The following PAPOLG variants were observed in gnomAD, a reference collection of about 807,000 sequenced individuals.
The protein encoded by PAPOLG is PAP-gamma.
A neutral mutation model predicts 99.0 loss-of-function variants in PAPOLG; 40 were observed. The ratio of observed to expected loss-of-function variants is 0.40; its 90% CI spans 0.31 to 0.53. PAPOLG has a LOEUF of 0.53. Ranked by LOEUF, PAPOLG falls within the 20% of genes least tolerant of loss-of-function variation. The probability of loss-of-function intolerance (pLI) is 0.41; values close to 1 mark genes in which losing one functional copy is unlikely to be tolerated. For missense variants in PAPOLG, 675 were observed against 884.1 expected (o/e 0.76, Z 3.00); for synonymous variants, 310 against 299.3 (o/e 1.04, Z -0.37).
At position 60,756,408 on chromosome 2, in the gene PAPOLG, G is replaced by T. The variant is rs1365182694; in HGVS notation, c.-71G>T. The T allele has an allele frequency of 6.2e-7, 1 of 1,604,146 alleles. No homozygotes were observed. The highest frequency in any genetic ancestry group is 8.5e-7 in the Non-Finnish European group (1 of 1,171,266). The stretch of plus-strand genomic sequence containing the variant: ...TAGCGACCGGAGGAAAGTGAACAGG[G>T]GGAGAAGGGAACAGCAAGAACAGGA... On this transcript the variant is annotated 5_prime_UTR_variant, in exon 1 of 22. Transcript: ENST00000238714.
intron 15 of PAPOLG, 86 bp downstream of exon 15, chr2:60,787,706 A>G: frequency 6.7e-7 from 1 of 1,496,380 alleles, no homozygotes. Flanking sequence ...GGCTGTACTT[A>G]TTAAAGTTCC....
intron 8 of PAPOLG, among the ~76,000 whole-genome samples, chr2:60,778,815 T>C (rs1249640184): frequency 6.6e-6 from 1 of 152,232 alleles, no homozygotes; most frequent in Non-Finnish European, 1.5e-5. Flanking sequence ...AAAGATTAAA[T>C]GCCATGTTTT....
In PAPOLG at chr2:60,776,277, T is replaced by C. The variant is rs1186046821; in HGVS notation, c.694+1154T>C. On this transcript the variant is annotated intron_variant, in intron 8 of 21. Transcript: ENST00000238714. ...AGCAGTAGATCTCACCAATGGGCTT[T>C]AAAATACTCAGTAAACCATGCTGTC... is the stretch of plus-strand genomic sequence containing the variant. Among the ~76,000 whole-genome samples, 23 of 152,266 alleles carry C rather than the reference T, an allele frequency of 1.5e-4. No homozygotes were observed. The South Asian group carries it at 3.5e-3, about 23-fold the overall frequency.
chr2:60,756,862 C>G (rs1022339527), intron 1 of PAPOLG, among the ~76,000 whole-genome samples: 1 of 152,098 alleles, frequency 6.6e-6, no homozygotes, highest in African/African-American at 2.4e-5. Context: ...AATACCATCC[C>G]CCTGCCTCCC....
intron 21 of PAPOLG, 53 bp from the exon 22 acceptor site, chr2:60,797,009 T>C: frequency 6.2e-7 from 1 of 1,603,304 alleles, no homozygotes; most frequent in Non-Finnish European, 8.5e-7. Flanking sequence ...GCTGGGCCTT[T>C]ATAATATATA....
chr2:60,794,042 G>A lies in PAPOLG; in HGVS notation c.1840G>A (p.Val614Ile), dbSNP rs1462464439. 2.5e-6 allele frequency: 4 copies of A among 1,614,042 alleles called. No homozygotes were observed. The South Asian group carries it at 4.4e-5, about 18-fold the overall frequency. The stretch of plus-strand genomic sequence containing the variant: ...CATTCCTACCGTAGTAGGACGAAAT[G>A]TCATTCCTAGAATCACAACACCTCA... ...CTIPTVVGRN[V>I]IPRITTPHNP... The change falls in exon 19 of 22, where the codon GTC (valine) becomes ATC (isoleucine). Residue 614 changes from valine to isoleucine, a missense_variant. Physicochemically the swap from Val to Ile is conservative, Grantham distance 29. This residue lies in a region of PAPOLG where 413 missense variants were observed against 460.5 expected (regional missense o/e 0.90). Coordinates refer to ENST00000238714, the MANE Select transcript of PAPOLG (RefSeq NM_022894.4).
rs199757720 is a variant in PAPOLG at position 60,775,134 on chromosome 2, C to G, written c.694+11C>G. On this transcript the variant is annotated intron_variant, in intron 8 of 21. Coordinates refer to ENST00000238714, the MANE Select transcript of PAPOLG (RefSeq NM_022894.4). The stretch of plus-strand genomic sequence containing the variant: ...AATTATGGGCAAAACGTAAGTATCC[C>G]TAGTCTTTTATGTTTGCATTATAAA... The G allele has an allele frequency of 2.0e-4, 318 of 1,600,668 alleles. 1 individual carries two copies. Among genetic ancestry groups the G allele is most frequent in the Non-Finnish European group, 2.5e-4 (293 of 1,176,678 alleles).
chr2:60,760,738 G>C (rs1670499319), intron 2 of PAPOLG, among the ~76,000 whole-genome samples: 1 of 152,222 alleles, frequency 6.6e-6, no homozygotes, highest in Admixed American at 6.5e-5. Flanking sequence ...CTTAATGAAA[G>C]CAAGGTGGGA....
At position 60,796,435 on chromosome 2, in the gene PAPOLG, G is replaced by A. The variant is rs535822025; in HGVS notation, c.2113-627G>A. ...ATTACAGGCGTGAACCACCATGCCC[G>A]GCCCTAGATTTTGCCTTCTTTATGT... On this transcript the variant is annotated intron_variant, in intron 21 of 21. Coordinates refer to ENST00000238714, the MANE Select transcript of PAPOLG (RefSeq NM_022894.4). Among the ~76,000 whole-genome samples, 8 of 151,816 alleles carry A rather than the reference G, an allele frequency of 5.3e-5. No individual in the cohort carries two copies. In the East Asian group the frequency reaches 5.8e-4, roughly 11 times the overall value.
At chr2:60,783,009 AATC>A (rs2103803973) in intron 12 of PAPOLG, 144 bp from the exon 13 acceptor site, 2 of 904,428 alleles carry the variant, frequency 2.2e-6, no homozygotes, top group Non-Finnish European at 3.1e-6. Flanking sequence ...ATTTTGTGAA[AATC>A]AGAGCACATT....
chr2:60,798,456 C>T lies in PAPOLG; in HGVS notation c.*1296C>T, dbSNP rs1022060422. 6.6e-6 allele frequency: 1 copy of T among 152,638 alleles called. No homozygotes were observed. Among genetic ancestry groups the T allele is most frequent in the Non-Finnish European group, 1.5e-5 (1 of 67,998 alleles). 9.5% of individuals were successfully genotyped at this position (152,638 alleles called of 1,614,324 possible). A position where few individuals can be genotyped will look rare whatever the true frequency, so the allele number is the denominator to read the frequency against. On this transcript the variant is annotated 3_prime_UTR_variant, in exon 22 of 22. Coordinates refer to ENST00000238714, the MANE Select transcript of PAPOLG (RefSeq NM_022894.4). Reference sequence around the variant, plus strand: ...AAGATACCATCTTTTCAAAGAGAAACGTTTAAAACCTTTATTGTCTCTCCT... The same window carrying T: ...AAGATACCATCTTTTCAAAGAGAAATGTTTAAAACCTTTATTGTCTCTCCT...
At chr2:60,777,941 T>C (rs773034608) in intron 8 of PAPOLG, among the ~76,000 whole-genome samples, 1 of 152,102 alleles carries the variant, frequency 6.6e-6, no homozygotes, top group Non-Finnish European at 1.5e-5. Flanking sequence ...ATAACAGATA[T>C]AATAATAATG....
chr2:60,762,465 T>C (rs933261528), intron 3 of PAPOLG, among the ~76,000 whole-genome samples: 4 of 152,154 alleles, frequency 2.6e-5, no homozygotes, highest in African/African-American at 4.8e-5. Flanking sequence ...CTGTGGATGC[T>C]CAGGTTCCTT....
chr2:60,800,960 T>C lies in PAPOLG; in HGVS notation c.*3800T>C, dbSNP rs1436574731. ...GAATTTCTAAGTTTATAACCTAAAATGAAACTGTAAAGTCCTCGGTATTTA... is the reference window on the plus strand; with the variant it reads ...GAATTTCTAAGTTTATAACCTAAAACGAAACTGTAAAGTCCTCGGTATTTA... On this transcript the variant is annotated 3_prime_UTR_variant, in exon 22 of 22. Coordinates refer to ENST00000238714, the MANE Select transcript of PAPOLG (RefSeq NM_022894.4). 1 of 152,302 alleles carries C rather than the reference T, an allele frequency of 6.6e-6. No homozygotes were observed. The highest frequency in any genetic ancestry group is 1.9e-4 in the East Asian group (1 of 5,342). 9.4% of individuals were successfully genotyped at this position (152,302 alleles called of 1,614,324 possible).
intron 7 of PAPOLG, among the ~76,000 whole-genome samples, chr2:60,774,030 G>A (rs1670935313): frequency 6.6e-6 from 1 of 152,114 alleles, no homozygotes; most frequent in Non-Finnish European, 1.5e-5. Flanking sequence ...ATTTTTAACT[G>A]CAAGTGTGTG....
At chr2:60,761,621 C>G in intron 2 of PAPOLG, 120 bp from the exon 3 acceptor site, 1 of 782,238 alleles carries the variant, frequency 1.3e-6, no homozygotes, top group Non-Finnish European at 2.1e-6. Context: ...ATAGCATTAT[C>G]ACATATATGT....
intron 17 of PAPOLG, among the ~76,000 whole-genome samples, chr2:60,793,074 G>A (rs964097863): frequency 6.6e-6 from 1 of 151,762 alleles, no homozygotes; most frequent in Admixed American, 6.6e-5. Context: ...GCATGGTAGT[G>A]CACACCTGTA....
intron 2 of PAPOLG, 75 bp downstream of exon 2, chr2:60,760,370 T>A: frequency 7.3e-7 from 1 of 1,363,574 alleles, no homozygotes; most frequent in Non-Finnish European, 1.0e-6. Flanking sequence ...ATTGAATACC[T>A]ACTGTGTCTC....
In PAPOLG at chr2:60,770,525, A is replaced by G. The variant is rs1427265161; in HGVS notation, c.492+14A>G. The G allele has an allele frequency of 2.6e-6, 4 of 1,516,846 alleles. No homozygotes were observed. The highest frequency in any genetic ancestry group is 3.6e-6 in the Non-Finnish European group (4 of 1,105,540). 94.0% of individuals were successfully genotyped at this position (1,516,846 alleles called of 1,614,324 possible). A position where few individuals can be genotyped will look rare whatever the true frequency, so the allele number is the denominator to read the frequency against. The stretch of plus-strand genomic sequence containing the variant: ...GATGGTATTGAAGTAAGTGTTTAAT[A>G]TTTTTCTGACTTTACAATTGAACTG... On this transcript the variant is annotated intron_variant, in intron 6 of 21. Coordinates refer to ENST00000238714, the MANE Select transcript of PAPOLG (RefSeq NM_022894.4).
Sources: allele counts gnomAD v4.1 joint callset (sites outside exome capture counted in the v4.1 genomes callset), GRCh38; gene constraint gnomAD v4.1.1; regional missense constraint gnomAD v4.1.1; transcripts MANE v1.5; gene names NCBI Gene and HGNC (gene_info 2026-07-23, HGNC 2026-07-21).